ERP44: variants seen among roughly 807,000 people sequenced by gnomAD.
ERP44 encodes endoplasmic reticulum protein 44.
ERP44 carries 25 observed loss-of-function variants against 53.4 expected under a neutral mutation model. The observed-to-expected ratio is 0.47, with a 90% CI of 0.34 to 0.65. ERP44 has a LOEUF of 0.65. Ranked by LOEUF, ERP44 falls within the 30% of genes least tolerant of loss-of-function variation. The pLI, the probability that ERP44 is intolerant of heterozygous loss-of-function variation, is 0.01. For missense variants in ERP44, 338 were observed against 493.2 expected, an observed-to-expected ratio of 0.69 and a Z score of 2.98; for synonymous variants, 145 against 161.2, an observed-to-expected ratio of 0.90 and a Z score of 0.76.
intron 4 of ERP44, among the ~76,000 whole-genome samples, chr9:100,051,394 T>G (rs1826035481): frequency 6.6e-6 from 1 of 152,202 alleles, no homozygotes; most frequent in Non-Finnish European, 1.5e-5. Context: ...TGTACACACA[T>G]ACTAATTTTA....
chr9:100,045,620 T>C (rs1825957576), intron 4 of ERP44, among the ~76,000 whole-genome samples: 1 of 152,196 alleles, frequency 6.6e-6, no homozygotes, highest in South Asian at 2.1e-4. Context: ...ACAGGAACTT[T>C]TCCAAGAAAT....
intron 4 of ERP44, among the ~76,000 whole-genome samples, chr9:100,045,599 A>G (rs1194443227): frequency 2.0e-5 from 3 of 152,234 alleles, no homozygotes; most frequent in Admixed American, 6.5e-5. Flanking sequence ...CAATTTGACT[A>G]GAAACTTTTT....
rs910892478 is a variant in ERP44, at chr9:99,979,802, AG to A, written c.*2809del. 15 of 372,684 alleles carry A rather than the reference AG, an allele frequency of 4.0e-5. No homozygotes were observed. The highest frequency in any genetic ancestry group is 4.8e-5 in the Non-Finnish European group (10 of 209,096). 23.1% of individuals were successfully genotyped at this position (372,684 alleles called of 1,614,324 possible). ...TGAAATGGTCTGATTCACGGTTCAG[AG>A]GGGGAACAAGTCTAAATTTGAGACG... is the stretch of plus-strand genomic sequence containing the variant. On this transcript the variant is annotated 3_prime_UTR_variant, in exon 12 of 12. Transcript: ENST00000262455.
At chr9:100,004,230 A>C (rs1331336576) in intron 10 of ERP44, among the ~76,000 whole-genome samples, 1 of 152,040 alleles carries the variant, frequency 6.6e-6, no homozygotes, top group Non-Finnish European at 1.5e-5. Flanking sequence ...TGGATCCACA[A>C]GTGTAGTCCT....
intron 10 of ERP44, among the ~76,000 whole-genome samples, chr9:99,992,953 C>G (rs1830271079): frequency 6.6e-6 from 1 of 152,166 alleles, no homozygotes. Flanking sequence ...ATCCAATTTA[C>G]AAGGGATGTG....
At chr9:99,993,165 T>C (rs1042491412) in intron 10 of ERP44, among the ~76,000 whole-genome samples, 1 of 152,234 alleles carries the variant, frequency 6.6e-6, no homozygotes, top group Non-Finnish European at 1.5e-5. Flanking sequence ...AACATTACTT[T>C]AAAATTCATA....
At chr9:99,991,519 G>A (rs1037538016) in intron 10 of ERP44, among the ~76,000 whole-genome samples, 7 of 152,318 alleles carry the variant, frequency 4.6e-5, no homozygotes, top group Admixed American at 1.3e-4. Flanking sequence ...AAAGCAGTCC[G>A]TAGAGGGAAA....
intron 4 of ERP44, among the ~76,000 whole-genome samples, chr9:100,034,659 A>C (rs997814433): frequency 6.6e-6 from 1 of 152,202 alleles, no homozygotes; most frequent in African/African-American, 2.4e-5. Context: ...TTAATCTGTA[A>C]ATTGTTTTGG....
intron 6 of ERP44, 120 bp from the exon 7 acceptor site, chr9:100,018,433 G>T: frequency 1.5e-6 from 1 of 663,210 alleles, no homozygotes; most frequent in South Asian, 1.7e-5. Context: ...GCAATACCAA[G>T]AAAAGTATAC....
At chr9:99,995,389 T>A (rs1315694171) in intron 10 of ERP44, among the ~76,000 whole-genome samples, 1 of 152,218 alleles carries the variant, frequency 6.6e-6, no homozygotes, top group Non-Finnish European at 1.5e-5. Context: ...GTGGTGAGAT[T>A]GAACATCTTT....
intron 3 of ERP44, 90 bp from the exon 4 acceptor site, chr9:100,052,622 C>T (rs151195927): frequency 4.5e-5 from 22 of 493,158 alleles, no homozygotes; most frequent in Middle Eastern, 6.4e-4. Flanking sequence ...TTGATATAGG[C>T]ATAATAAACG....
chr9:100,059,846 A>C (rs949904284), intron 2 of ERP44, among the ~76,000 whole-genome samples: 11 of 152,220 alleles, frequency 7.2e-5, no homozygotes, highest in Non-Finnish European at 1.5e-4. Context: ...AGTGAGAACT[A>C]TTGGTCTCTA....
chr9:100,007,495 CA>C, intron 9 of ERP44, 82 bp downstream of exon 9: 1 of 744,546 alleles, frequency 1.3e-6, no homozygotes, highest in South Asian at 1.5e-5. Flanking sequence ...TGTGATTTGA[CA>C]GAAATGGGAG....
At chr9:100,067,460 C>T (rs566866262) in intron 1 of ERP44, among the ~76,000 whole-genome samples, 6 of 152,324 alleles carry the variant, frequency 3.9e-5, no homozygotes, top group South Asian at 2.1e-4. Context: ...CCCGAGGTGC[C>T]GGGATTGCAG....
chr9:99,987,366 C>G (rs970408560), intron 10 of ERP44, among the ~76,000 whole-genome samples: 1 of 152,148 alleles, frequency 6.6e-6, no homozygotes, highest in Non-Finnish European at 1.5e-5. Context: ...ATATATATCA[C>G]GCTTTAGGGC....
intron 1 of ERP44, among the ~76,000 whole-genome samples, chr9:100,082,295 A>C (rs1249788005): frequency 1.3e-5 from 2 of 151,908 alleles, no homozygotes; most frequent in East Asian, 3.8e-4. Context: ...CTAAAATATA[A>C]GCAGAAAACC....
intron 4 of ERP44, among the ~76,000 whole-genome samples, chr9:100,045,268 C>T (rs771808283): frequency 2.6e-5 from 4 of 152,088 alleles, no homozygotes; most frequent in Admixed American, 6.5e-5. Flanking sequence ...ATCATTTCCT[C>T]GAAAACGTCT....
At chr9:100,024,009 A>C (rs1321003695) in intron 4 of ERP44, among the ~76,000 whole-genome samples, 1 of 151,950 alleles carries the variant, frequency 6.6e-6, no homozygotes, top group Non-Finnish European at 1.5e-5. Context: ...ACAAAAATTA[A>C]CCAGGCATGG....
chr9:100,087,257 C>A (rs10988967), intron 1 of ERP44, among the ~76,000 whole-genome samples: 31,223 of 151,548 alleles, frequency 0.21, 5,473 homozygotes, highest in African/African-American at 0.48. Flanking sequence ...TAAAACAGAG[C>A]TAAGCTGATA....
Sources: gnomAD v4.1 joint callset for allele counts (sites outside exome capture counted in the v4.1 genomes callset) on GRCh38, gnomAD v4.1.1 for gene constraint, MANE v1.5 for transcripts, NCBI Gene and HGNC (gene_info 2026-07-23, HGNC 2026-07-21) for gene names.